DRC3: variants seen among roughly 807,000 people sequenced by gnomAD.
The protein encoded by DRC3 is dynein regulatory complex subunit 3, also known as leucine rich repeat containing 48.
In DRC3, 45 loss-of-function variants were observed where a neutral mutation model predicts 57.6. The observed-to-expected ratio is 0.78, with a 90% CI of 0.62 to 1.00. DRC3 has a LOEUF of 1.00. Among genes scored for constraint, DRC3 ranks in the 50% least tolerant of loss-of-function variants. The pLI is 0.00. For missense variants in DRC3, 655 were observed against 675.2 expected, an observed-to-expected ratio of 0.97 and a Z score of 0.33; for synonymous variants, 257 against 272.3, an observed-to-expected ratio of 0.94 and a Z score of 0.55.
chr17:17,981,389 C>A lies in DRC3; in HGVS notation c.161-2439C>A. On this transcript the variant is annotated intron_variant, in intron 3 of 13. Coordinates refer to ENST00000399187, the MANE Select transcript of DRC3 (RefSeq NM_031294.4). Reference sequence around the variant, plus strand: ...TACCAAGTGATAGTCCAGCTGTGGTCATTGTAGACCCTGGGGTGGTGGTTG... The same window carrying A: ...TACCAAGTGATAGTCCAGCTGTGGTAATTGTAGACCCTGGGGTGGTGGTTG... The A allele has an allele frequency of 1.7e-5, 3 of 180,406 alleles. No individual in the cohort carries two copies. In the South Asian group the frequency reaches 4.0e-4, roughly 24 times the overall value. 11.2% of individuals were successfully genotyped at this position (180,406 alleles called of 1,614,324 possible).
intron 9 of DRC3, among the ~76,000 whole-genome samples, chr17:17,998,627 C>A (rs1028031740): frequency 6.6e-6 from 1 of 152,146 alleles, no homozygotes; most frequent in Non-Finnish European, 1.5e-5. Flanking sequence ...TCCCTCGATG[C>A]GCAACTTCAG....
At chr17:18,001,900 C>T (rs1034861931) in intron 9 of DRC3, among the ~76,000 whole-genome samples, 1 of 151,962 alleles carries the variant, frequency 6.6e-6, no homozygotes, top group Admixed American at 6.6e-5. Context: ...GACGCAGTGG[C>T]TTATGCATGT....
chr17:17,994,335 G>T lies in DRC3; in HGVS notation c.628G>T (p.Asp210Tyr). 1.3e-6 allele frequency: 2 copies of T among 1,554,298 alleles called. No individual in the cohort carries two copies. Among genetic ancestry groups the T allele is most frequent in the South Asian group, 2.4e-5 (2 of 84,118 alleles). ...GGAGGCTAAGCACCAGTACAGCATC[G>T]ACGAGCTGAAGCACCAGGAGAACCT... Reference protein sequence around the residue: ...LAEAKHQYSIDELKHQENLMQ... With the variant: ...LAEAKHQYSIYELKHQENLMQ... Residue 210 changes from aspartate (D) to tyrosine (Y), a missense_variant, in exon 7 of 14, where the codon GAC becomes TAC. Physicochemically the swap from Asp to Tyr is radical, Grantham distance 160. Coordinates refer to ENST00000399187, the MANE Select transcript of DRC3 (RefSeq NM_031294.4).
chr17:17,981,734 G>C (rs961598740), intron 3 of DRC3, among the ~76,000 whole-genome samples: 1 of 152,064 alleles, frequency 6.6e-6, no homozygotes, highest in Non-Finnish European at 1.5e-5. Flanking sequence ...GTCTTGCTTT[G>C]TCACCCAGGC....
intron 9 of DRC3, among the ~76,000 whole-genome samples, chr17:18,003,471 G>A (rs538929910): frequency 1.8e-5 from 2 of 109,014 alleles, no homozygotes; most frequent in Admixed American, 1.1e-4. Flanking sequence ...GTGACAGAGT[G>A]AGACTACGTC....
intron 5 of DRC3, 160 bp downstream of exon 5, chr17:17,988,258 C>T: frequency 1.3e-6 from 1 of 784,616 alleles, no homozygotes; most frequent in South Asian, 1.9e-5. Flanking sequence ...GAGGGATTTG[C>T]TCATGTTTAA....
In DRC3 at chr17:18,008,990, T is replaced by G. The variant is rs1304624344; in HGVS notation, c.1326+1843T>G. On this transcript the variant is annotated intron_variant, in intron 12 of 13. Transcript: ENST00000399187. The surrounding 1 kb of genome is among the most constrained non-coding windows in gnomAD (Gnocchi z 4.3). ...CAGCCCTCCCTCCAGCCCAGCTGGC[T>G]CTGCCTGGTGCCAGCTGACCACCAT... Among the ~76,000 whole-genome samples, 1 of 152,054 alleles carries G rather than the reference T, an allele frequency of 6.6e-6. No individual in the cohort carries two copies. The highest frequency in any genetic ancestry group is 2.4e-5 in the African/African-American group (1 of 41,428).
chr17:17,979,206 C>T (rs1204445389), intron 3 of DRC3, among the ~76,000 whole-genome samples: 1 of 152,192 alleles, frequency 6.6e-6, no homozygotes, highest in African/African-American at 2.4e-5. Context: ...CTGGACCCCG[C>T]CTTATCATCT....
intron 2 of DRC3, among the ~76,000 whole-genome samples, chr17:17,975,914 G>T (rs1427824142): frequency 6.6e-6 from 1 of 152,190 alleles, no homozygotes; most frequent in Non-Finnish European, 1.5e-5. Context: ...ATTTGCAGAA[G>T]CTGCATCCAA....
Position 18,016,814 on chromosome 17 carries a change from C to G in DRC3, c.*143C>G. Reference sequence around the variant, plus strand: ...CCCCAACACCATTCTTCCCCCACCCCTGGAAAAACTTCCAAAAGTAGAGAA... The same window carrying G: ...CCCCAACACCATTCTTCCCCCACCCGTGGAAAAACTTCCAAAAGTAGAGAA... On this transcript the variant is annotated 3_prime_UTR_variant, in exon 14 of 14. Transcript: ENST00000399187. 2.0e-6 allele frequency: 1 copy of G among 502,382 alleles called. No individual in the cohort carries two copies. Among genetic ancestry groups the G allele is most frequent in the Admixed American group, 3.7e-5 (1 of 27,352 alleles). The allele number at this position is 502,382 out of a possible 1,614,324, so 31.1% of individuals were successfully genotyped here. A position where few individuals can be genotyped will look rare whatever the true frequency, so the allele number is the denominator to read the frequency against.
chr17:17,986,590 G>A (rs773863696), intron 4 of DRC3, among the ~76,000 whole-genome samples: 3 of 151,636 alleles, frequency 2.0e-5, no homozygotes, highest in Non-Finnish European at 2.9e-5. Flanking sequence ...AGCCTCCTGA[G>A]TAGCTGGGAT....
chr17:17,994,943 A>G (rs2043395210), intron 7 of DRC3, 56 bp from the exon 8 acceptor site: 1 of 1,201,274 alleles, frequency 8.3e-7, no homozygotes, highest in Non-Finnish European at 1.2e-6. Context: ...GGCCTGTGAG[A>G]TGATGCAGGG....
At chr17:18,006,295 A>G (rs369074787) in intron 11 of DRC3, 42 bp downstream of exon 11, 4 of 1,447,594 alleles carry the variant, frequency 2.8e-6, no homozygotes, top group Non-Finnish European at 3.9e-6. Flanking sequence ...GAGGTGCTAC[A>G]GAGCCCCTGG....
intron 3 of DRC3, among the ~76,000 whole-genome samples, chr17:17,983,120 G>A (rs749044026): frequency 3.9e-5 from 6 of 152,308 alleles, no homozygotes; most frequent in African/African-American, 1.4e-4. Context: ...AACCAGCTGT[G>A]TAGCTGGCGT....
At chr17:18,015,989 CT>C (rs1313820299) in intron 12 of DRC3, 74 bp from the exon 13 acceptor site, 2 of 1,542,244 alleles carry the variant, frequency 1.3e-6, no homozygotes, top group African/African-American at 2.7e-5. Flanking sequence ...CCAAATGCTC[CT>C]TCTCTGTTCA....
At chr17:18,010,354 G>A (rs2044125088) in intron 12 of DRC3, among the ~76,000 whole-genome samples, 1 of 152,154 alleles carries the variant, frequency 6.6e-6, no homozygotes, top group Non-Finnish European at 1.5e-5. Context: ...GTCCTGGGGA[G>A]GGGCACCAGC....
intron 3 of DRC3, among the ~76,000 whole-genome samples, chr17:17,980,972 T>C (rs951672361): frequency 1.3e-5 from 2 of 152,224 alleles, no homozygotes; most frequent in African/African-American, 4.8e-5. Flanking sequence ...TTTCTCAAAT[T>C]GAAGACTGCA....
intron 12 of DRC3, chr17:18,010,868 ATC>A (rs1327133468): frequency 2.7e-6 from 1 of 366,124 alleles, no homozygotes; most frequent in Non-Finnish European, 5.4e-6. Flanking sequence ...GAAGAGATCT[ATC>A]TCTTCTCCCC....
chr17:18,004,757 G>C, intron 10 of DRC3: 1 of 445,164 alleles, frequency 2.2e-6, no homozygotes, highest in Admixed American at 3.7e-5. Context: ...GTGGGGAGAG[G>C]TTTTTGATTA....
Sources: gnomAD v4.1 joint callset for allele counts (sites outside exome capture counted in the v4.1 genomes callset) on GRCh38, gnomAD v4.1.1 for gene constraint, Gnocchi (gnomAD v3.1) non-coding constraint, MANE v1.5 for transcripts, NCBI Gene and HGNC (gene_info 2026-07-23, HGNC 2026-07-21) for gene names.